DOK6: variants seen among roughly 807,000 people sequenced by gnomAD.
DOK6 encodes docking protein 6, also known as downstream of tyrosine kinase 6.
DOK6 carries 22 observed loss-of-function variants against 44.0 expected under a neutral mutation model. That is an observed-to-expected ratio of 0.50 (90% CI 0.36 to 0.71). The LOEUF is 0.71. DOK6 is among the 30% of genes least tolerant of loss of function. The pLI, the probability that DOK6 is intolerant of heterozygous loss-of-function variation, is 0.00. For synonymous variants in DOK6, 166 were observed against 145.5 expected, an observed-to-expected ratio of 1.14 and a Z score of -1.01; for missense variants, 340 against 416.4, an observed-to-expected ratio of 0.82 and a Z score of 1.60.
At chr18:69,600,495 T>C (rs1276074447) in intron 3 of DOK6, among the ~76,000 whole-genome samples, 1 of 152,062 alleles carries the variant, frequency 6.6e-6, no homozygotes, top group Non-Finnish European at 1.5e-5. Context: ...CATTTTGGAG[T>C]TGCACAGAAG....
intron 5 of DOK6, among the ~76,000 whole-genome samples, chr18:69,709,728 AAG>A (rs1417337867): frequency 2.6e-5 from 4 of 152,222 alleles, no homozygotes; most frequent in African/African-American, 9.6e-5. Context: ...GTAAAGAAAA[AAG>A]ATATTTTTCT....
At chr18:69,816,699 G>T (rs1347369131) in intron 7 of DOK6, among the ~76,000 whole-genome samples, 1 of 152,176 alleles carries the variant, frequency 6.6e-6, no homozygotes, top group African/African-American at 2.4e-5. Context: ...AGGCAAATTA[G>T]GGTTTAAACC....
chr18:69,823,272 G>C (rs1245449370), intron 7 of DOK6, among the ~76,000 whole-genome samples: 1 of 152,192 alleles, frequency 6.6e-6, no homozygotes, highest in African/African-American at 2.4e-5. Context: ...AAGGAGATGA[G>C]AGATGAAATA....
intron 7 of DOK6, among the ~76,000 whole-genome samples, chr18:69,775,980 C>T (rs1015429280): frequency 5.3e-5 from 8 of 151,818 alleles, no homozygotes; most frequent in Non-Finnish European, 8.8e-5. Context: ...TGTACACACA[C>T]AAAAATGGAC....
At chr18:69,742,425 AAAAG>A (rs201417595) in intron 6 of DOK6, among the ~76,000 whole-genome samples, 69,638 of 134,914 alleles carry the variant, frequency 0.52, 19,297 homozygotes, top group East Asian at 0.66. Flanking sequence ...AAAAAAAAAA[AAAAG>A]AAAAAGAAAA....
At chr18:69,520,258 C>T (rs919265593) in intron 1 of DOK6, among the ~76,000 whole-genome samples, 4 of 149,176 alleles carry the variant, frequency 2.7e-5, no homozygotes, top group African/African-American at 5.0e-5. Context: ...TTATTTAAAA[C>T]AATTTCTATT....
At chr18:69,612,409 G>GGGCGCATGTGTGCGAA in intron 3 of DOK6, among the ~76,000 whole-genome samples, 1 of 146,674 alleles carries the variant, frequency 6.8e-6, no homozygotes. Flanking sequence ...TTGTGTGCGA[G>GGGCGCATGTGTGCGAA]GGCGCATGTG....
At position 69,734,891 on chromosome 18, in the gene DOK6, A is replaced by G. The variant is rs187733707; in HGVS notation, c.600-4074A>G. On this transcript the variant is annotated intron_variant, in intron 5 of 7. Transcript: ENST00000382713. ...GTGGGAAGAAAGAGTGGCATTTCAA[A>G]GTCACGCCTTCATAGAGAGCCAAGT... 2.8e-3 allele frequency among the ~76,000 whole-genome samples: 421 copies of G among 152,226 alleles called. 2 individuals carry two copies. The highest frequency in any genetic ancestry group is 9.7e-3 in the African/African-American group (403 of 41,536).
Position 69,595,034 on chromosome 18 carries a change from T to C in DOK6, c.175-4350T>C, listed in dbSNP as rs948881795. Among the ~76,000 whole-genome samples the C allele has an allele frequency of 2.0e-5, 3 of 152,040 alleles. No individual in the cohort carries two copies. The East Asian group carries it at 5.8e-4, about 29-fold the overall frequency. On this transcript the variant is annotated intron_variant, in intron 2 of 7. Coordinates refer to ENST00000382713, the MANE Select transcript of DOK6 (RefSeq NM_152721.6). ...ATACCTCAAAAAATAAAATAAAATA[T>C]CTAGGAACAAATTTAACCAAGGAGG...
intron 2 of DOK6, among the ~76,000 whole-genome samples, chr18:69,570,240 T>C (rs1298163182): frequency 6.6e-6 from 1 of 151,718 alleles, no homozygotes; most frequent in Non-Finnish European, 1.5e-5. Flanking sequence ...AAAATTCACC[T>C]GCAAAAAGGA....
chr18:69,673,043 A>T (rs949068205), intron 3 of DOK6, among the ~76,000 whole-genome samples: 3 of 152,158 alleles, frequency 2.0e-5, no homozygotes, highest in Non-Finnish European at 4.4e-5. Context: ...ACAAAACAGG[A>T]TTATTTTGTC....
chr18:69,760,374 T>C (rs552888015), intron 7 of DOK6, among the ~76,000 whole-genome samples: 9 of 152,182 alleles, frequency 5.9e-5, no homozygotes, highest in Non-Finnish European at 1.2e-4. Flanking sequence ...CTCATCCCTG[T>C]AATCCCAGCA....
chr18:69,723,356 A>T (rs994278381), intron 5 of DOK6, among the ~76,000 whole-genome samples: 1 of 152,134 alleles, frequency 6.6e-6, no homozygotes, highest in African/African-American at 2.4e-5. Flanking sequence ...TCCCTTCTCC[A>T]TTGTTGTCTG....
intron 1 of DOK6, among the ~76,000 whole-genome samples, chr18:69,423,275 A>G (rs1449721895): frequency 6.7e-6 from 1 of 150,076 alleles, no homozygotes; most frequent in Non-Finnish European, 1.5e-5. Context: ...GTACTCCAGC[A>G]TGGACAACAG....
At chr18:69,590,381 C>T (rs1983596159) in intron 2 of DOK6, among the ~76,000 whole-genome samples, 1 of 152,004 alleles carries the variant, frequency 6.6e-6, no homozygotes, top group Non-Finnish European at 1.5e-5. Flanking sequence ...GAAGACCTGC[C>T]CATTGGTCTT....
At chr18:69,544,298 A>G (rs1193482326) in intron 1 of DOK6, among the ~76,000 whole-genome samples, 2 of 151,488 alleles carry the variant, frequency 1.3e-5, no homozygotes, top group Non-Finnish European at 3.0e-5. Flanking sequence ...CCAGAAACTC[A>G]GTGCTGTAGA....
chr18:69,590,182 G>A (rs1173288589), intron 2 of DOK6, among the ~76,000 whole-genome samples: 2 of 152,052 alleles, frequency 1.3e-5, no homozygotes, highest in African/African-American at 4.8e-5. Flanking sequence ...TTGAAGTCTA[G>A]ATATGCAAAG....
intron 7 of DOK6, among the ~76,000 whole-genome samples, chr18:69,832,341 G>T (rs1981924613): frequency 1.3e-5 from 2 of 152,000 alleles, no homozygotes; most frequent in Admixed American, 1.3e-4. Flanking sequence ...CATGTTTATT[G>T]ATTGTTAAAC....
At chr18:69,782,606 A>C (rs944320388) in intron 7 of DOK6, among the ~76,000 whole-genome samples, 6 of 152,018 alleles carry the variant, frequency 3.9e-5, no homozygotes, top group African/African-American at 1.4e-4. Context: ...GTGTTTCATT[A>C]AACTCTTGCA....
Sources: allele counts gnomAD v4.1 joint callset (sites outside exome capture counted in the v4.1 genomes callset), GRCh38; gene constraint gnomAD v4.1.1; transcripts MANE v1.5; gene names NCBI Gene and HGNC (gene_info 2026-07-23, HGNC 2026-07-21).